Variants in CTNND2 observed in about 807,000 individuals in gnomAD.
CTNND2 encodes catenin delta-2.
Under a neutral mutation model 144.4 loss-of-function variants are expected in CTNND2, and 22 were observed. The ratio of observed to expected loss-of-function variants is 0.15; its 90% CI spans 0.11 to 0.22. The LOEUF (loss-of-function observed/expected upper bound fraction) is 0.22. Ranked by LOEUF, CTNND2 falls within the 10% of genes least tolerant of loss-of-function variation. The pLI, the probability that CTNND2 is intolerant of heterozygous loss-of-function variation, is 1.00. For synonymous variants in CTNND2, 751 were observed against 695.6 expected, an observed-to-expected ratio of 1.08 and a Z score of -1.25; for missense variants, 1,353 against 1,618.8, an observed-to-expected ratio of 0.84 and a Z score of 2.82.
At chr5:11,379,757 T>C (rs138614176) in intron 7 of CTNND2, among the ~76,000 whole-genome samples, 4 of 152,216 alleles carry the variant, frequency 2.6e-5, no homozygotes, top group African/African-American at 9.6e-5. Flanking sequence ...GCCCATTTTT[T>C]CTTTGTAATT....
chr5:11,545,277 G>C (rs904013073), intron 3 of CTNND2, among the ~76,000 whole-genome samples: 1 of 150,748 alleles, frequency 6.6e-6, no homozygotes, highest in Non-Finnish European at 1.5e-5. Context: ...ACCTGAGATC[G>C]CACCACTGCA....
At position 11,453,531 on chromosome 5, in the gene CTNND2, G is replaced by A. The variant is rs556136387; in HGVS notation, c.288-41462C>T. Among the ~76,000 whole-genome samples the A allele has an allele frequency of 1.7e-4, 26 of 152,228 alleles. No individual in the cohort carries two copies. The South Asian group carries it at 3.5e-3, about 21-fold the overall frequency. ...TTATTGTAAATCATAGGAGGTTTCAGCCGAAATATCAGGGACTCAGAGTAT... is the reference window on the plus strand; with the variant it reads ...TTATTGTAAATCATAGGAGGTTTCAACCGAAATATCAGGGACTCAGAGTAT... On this transcript the variant is annotated intron_variant, in intron 3 of 21. Transcript: ENST00000304623.
intron 2 of CTNND2, among the ~76,000 whole-genome samples, chr5:11,593,374 A>C (rs886601638): frequency 2.0e-5 from 3 of 152,208 alleles, no homozygotes; most frequent in Non-Finnish European, 4.4e-5. Context: ...AACCCAATAG[A>C]AAAAGGGTAA....
At chr5:11,526,838 G>A (rs751944330) in intron 3 of CTNND2, among the ~76,000 whole-genome samples, 2 of 152,098 alleles carry the variant, frequency 1.3e-5, no homozygotes, top group Non-Finnish European at 2.9e-5. Flanking sequence ...AAGGACCCAC[G>A]TGTCCATCAA....
At chr5:11,241,074 AAC>A (rs921495905) in intron 9 of CTNND2, among the ~76,000 whole-genome samples, 25 of 147,302 alleles carry the variant, frequency 1.7e-4, no homozygotes, top group African/African-American at 3.5e-4. Flanking sequence ...CCTAACACCC[AAC>A]ACACACACAC....
intron 2 of CTNND2, among the ~76,000 whole-genome samples, chr5:11,660,309 G>C (rs1783124300): frequency 6.6e-6 from 1 of 152,146 alleles, no homozygotes. Flanking sequence ...TATGGTACGA[G>C]AAAAGTATAA....
Position 10,988,364 on chromosome 5 carries a change from T to C in CTNND2, c.3212-122A>G, listed in dbSNP as rs112580491. 126 of 1,220,688 alleles carry C rather than the reference T, an allele frequency of 1.0e-4. No individual in the cohort carries two copies. In the African/African-American group the frequency reaches 1.6e-3, roughly 15 times the overall value. The allele number at this position is 1,220,688 out of a possible 1,614,324, so 75.6% of individuals were successfully genotyped here. ...TCTCAATGCCTACGTGAGGACCTGA[T>C]GGGTTTTCTTTTTAATTTTTATTTT... On this transcript the variant is annotated intron_variant, in intron 19 of 21. Coordinates refer to ENST00000304623, the MANE Select transcript of CTNND2 (RefSeq NM_001332.4). The surrounding 1 kb of genome is among the most constrained non-coding windows in gnomAD (Gnocchi z 5.9).
At chr5:11,223,609 C>T (rs1277937224) in intron 10 of CTNND2, among the ~76,000 whole-genome samples, 1 of 152,116 alleles carries the variant, frequency 6.6e-6, no homozygotes, top group African/African-American at 2.4e-5. Context: ...GAACTTGGTC[C>T]TGGGGGAGCC....
At chr5:11,258,518 G>A (rs1744518825) in intron 9 of CTNND2, among the ~76,000 whole-genome samples, 1 of 152,174 alleles carries the variant, frequency 6.6e-6, no homozygotes, top group Admixed American at 6.5e-5. Flanking sequence ...CCCCTCAAAG[G>A]CAAGCGAACC....
At chr5:11,497,955 T>C (rs1009069026) in intron 3 of CTNND2, among the ~76,000 whole-genome samples, 4 of 152,090 alleles carry the variant, frequency 2.6e-5, no homozygotes, top group Non-Finnish European at 5.9e-5. Context: ...AGGCAGCACA[T>C]GCTCCTTTAC....
chr5:11,606,578 T>A (rs1267576175), intron 2 of CTNND2, among the ~76,000 whole-genome samples: 1 of 152,080 alleles, frequency 6.6e-6, no homozygotes, highest in Non-Finnish European at 1.5e-5. Context: ...CACGTGAAGC[T>A]TGAGATATCT....
At chr5:11,551,910 T>G (rs1014584892) in intron 3 of CTNND2, among the ~76,000 whole-genome samples, 9 of 152,202 alleles carry the variant, frequency 5.9e-5, no homozygotes, top group Admixed American at 1.3e-4. Flanking sequence ...GTTTTTCAAA[T>G]TTTGGATAGA....
At chr5:11,183,314 C>CTA (rs1352370451) in intron 11 of CTNND2, among the ~76,000 whole-genome samples, 3 of 152,228 alleles carry the variant, frequency 2.0e-5, no homozygotes, top group East Asian at 1.9e-4. Flanking sequence ...TTAACGAAGC[C>CTA]TTAGGAAGTC....
chr5:11,779,548 C>A (rs1156539927), intron 1 of CTNND2, among the ~76,000 whole-genome samples: 1 of 152,168 alleles, frequency 6.6e-6, no homozygotes, highest in African/African-American at 2.4e-5. Context: ...TATGGCATAG[C>A]CTGTAACAGG....
chr5:11,645,534 T>A (rs1292552875), intron 2 of CTNND2, among the ~76,000 whole-genome samples: 2 of 152,366 alleles, frequency 1.3e-5, no homozygotes, highest in Middle Eastern at 6.8e-3. Flanking sequence ...CTAGATTTTT[T>A]AATTTTCCTT....
chr5:11,306,768 C>T (rs558077546), intron 9 of CTNND2, among the ~76,000 whole-genome samples: 2 of 152,318 alleles, frequency 1.3e-5, no homozygotes, highest in South Asian at 4.1e-4. Context: ...CAAAATGCCT[C>T]AAAGGTTTGG....
chr5:11,802,581 C>G (rs1325620409), intron 1 of CTNND2, among the ~76,000 whole-genome samples: 2 of 149,690 alleles, frequency 1.3e-5, no homozygotes, highest in South Asian at 2.1e-4. Flanking sequence ...AAAAAAAAAA[C>G]GAATCTTCTA....
intron 1 of CTNND2, among the ~76,000 whole-genome samples, chr5:11,791,101 G>C (rs1243400323): frequency 6.6e-6 from 1 of 152,148 alleles, no homozygotes; most frequent in African/African-American, 2.4e-5. Flanking sequence ...CTACAAGCAA[G>C]GAATGCCTGG....
intron 1 of CTNND2, among the ~76,000 whole-genome samples, chr5:11,902,075 G>A (rs1321178342): frequency 6.6e-6 from 1 of 152,144 alleles, no homozygotes; most frequent in East Asian, 1.9e-4. Flanking sequence ...TATAGACCTT[G>A]CCAGTCCTCC....
Sources: allele counts gnomAD v4.1 joint callset (sites outside exome capture counted in the v4.1 genomes callset), GRCh38; gene constraint gnomAD v4.1.1; non-coding constraint Gnocchi (gnomAD v3.1); transcripts MANE v1.5; gene names NCBI Gene and HGNC (gene_info 2026-07-23, HGNC 2026-07-21).